Variants in OR4Q3 observed in about 807,000 individuals in gnomAD.
OR4Q3 encodes olfactory receptor 4Q3.
In OR4Q3, 17 loss-of-function variants were observed where a neutral mutation model predicts 18.8. The ratio of observed to expected loss-of-function variants is 0.91; its 90% CI spans 0.62 to 1.36. OR4Q3 has a LOEUF of 1.36. Ranked by LOEUF, OR4Q3 falls within the 40% of genes most tolerant of loss-of-function variation. OR4Q3 has a pLI of 0.00. For synonymous variants in OR4Q3, 158 were observed against 145.8 expected (o/e 1.08, Z -0.60); for missense variants, 378 against 373.4 (o/e 1.01, Z -0.10).
downstream of OR4Q3, among the ~76,000 whole-genome samples, chr14:19,749,774 TTTTCTTTCTCTTTC>T: frequency 9.9e-5 from 13 of 131,436 alleles, no homozygotes; most frequent in Admixed American, 9.3e-4. Flanking sequence ...CTTTTTCTCT[TTTTCTTTCTCTTTC>T]TTTCTTTCTC....
chr14:19,751,117 AT>A, downstream of OR4Q3, among the ~76,000 whole-genome samples: 1 of 152,226 alleles, frequency 6.6e-6, no homozygotes, highest in Non-Finnish European at 1.5e-5. Flanking sequence ...TTGGCAAATC[AT>A]TTTAAATGTC....
chr14:19,749,852 TTC>T, downstream of OR4Q3, among the ~76,000 whole-genome samples: 3 of 1,724 alleles, frequency 1.7e-3, no homozygotes, highest in Admixed American at 7.2e-3. Flanking sequence ...GATTACTTCT[TTC>T]TTTCTTTCTT....
At chr14:19,749,866 CTTTCTTTCTTTCTTT>C, downstream of OR4Q3, among the ~76,000 whole-genome samples, 104 of 49,054 alleles carry the variant, frequency 2.1e-3, no homozygotes, top group Middle Eastern at 7.7e-3. Flanking sequence ...TTCTTTCTTT[CTTTCTTTCTTTCTTT>C]CTTTCTTTCT....
exon 2 of OR4Q3, chr14:19,747,722 C>T: frequency 1.1e-5 from 18 of 1,613,782 alleles, no homozygotes; most frequent in Non-Finnish European, 1.4e-5. Context: ...TTCAGGATGC[C>T]TGGCCCAGAT....
At chr14:19,751,654 C>T, downstream of OR4Q3, among the ~76,000 whole-genome samples, 1 of 152,062 alleles carries the variant, frequency 6.6e-6, no homozygotes, top group African/African-American at 2.4e-5. Context: ...TCAGTTTCTT[C>T]CAGATTTTCT....
chr14:19,748,360 GC>G lies in OR4Q3; in HGVS notation c.959del (p.Pro320LeufsTer5). 6.2e-7 allele frequency: 1 copy of G among 1,601,614 alleles called. No individual in the cohort carries two copies. Among genetic ancestry groups the G allele is most frequent in the Non-Finnish European group, 8.5e-7 (1 of 1,172,214 alleles). Reference sequence around the variant, plus strand: ...GGATAAAACCATGTGGCATTCCATTGCCTTGTTAAGGAATGAGCAGAAGAGG... The same window carrying G: ...GGATAAAACCATGTGGCATTCCATTGCTTGTTAAGGAATGAGCAGAAGAGG... On this transcript the variant is annotated frameshift_variant, in exon 2 of 2. Coordinates refer to ENST00000642117, the Ensembl canonical transcript of OR4Q3. LOFTEE classifies it high-confidence loss of function.
chr14:19,749,543 G>C, downstream of OR4Q3: 1 of 131,730 alleles, frequency 7.6e-6, no homozygotes, highest in East Asian at 2.6e-4. Flanking sequence ...AGGTTGCAGT[G>C]AGCTGACATC....
At chr14:19,748,203 A>G in exon 2 of OR4Q3, 3 of 1,614,056 alleles carry the variant, frequency 1.9e-6, no homozygotes, top group African/African-American at 2.7e-5. Flanking sequence ...GTATTCATCT[A>G]TTTGAGGCCT....
chr14:19,745,665 A>G, intron 1 of OR4Q3, among the ~76,000 whole-genome samples: 1 of 152,196 alleles, frequency 6.6e-6, no homozygotes, highest in African/African-American at 2.4e-5. Flanking sequence ...CCTGTTAATT[A>G]TACATTTTAG....
rs1436052985 is a variant in OR4Q3 at position 19,743,672 on chromosome 14, G to A, written c.2+1G>A. The A allele has an allele frequency of 1.3e-5, 2 of 152,278 alleles. No homozygotes were observed. The highest frequency in any genetic ancestry group is 2.4e-5 in the African/African-American group (1 of 41,456). 9.4% of individuals were successfully genotyped at this position (152,278 alleles called of 1,614,324 possible). On this transcript the variant is annotated splice_donor_variant, in intron 1 of 1. Transcript: ENST00000642117. LOFTEE classifies it high-confidence loss of function. ...CACATAGCTTCTGACAAGCAAAGAT[G>A]TAGGTTTCTCAGATATGTTTATTCA...
chr14:19,752,099 G>A, downstream of OR4Q3, among the ~76,000 whole-genome samples: 1 of 152,178 alleles, frequency 6.6e-6, no homozygotes, highest in Non-Finnish European at 1.5e-5. Context: ...TATTTTTCTT[G>A]ACATTGGCCT....
At chr14:19,749,396 T>C in exon 2 of OR4Q3, 3 of 152,280 alleles carry the variant, frequency 2.0e-5, no homozygotes, top group Non-Finnish European at 4.4e-5. Flanking sequence ...GTCAGGAGTT[T>C]GAGACCAGCT....
exon 2 of OR4Q3, chr14:19,747,573 T>C: frequency 6.2e-7 from 1 of 1,613,856 alleles, no homozygotes; most frequent in Non-Finnish European, 8.5e-7. Context: ...GTGGTAACAG[T>C]GCAAGCCCAT....
downstream of OR4Q3, among the ~76,000 whole-genome samples, chr14:19,752,235 C>A: frequency 6.6e-6 from 1 of 152,212 alleles, no homozygotes; most frequent in East Asian, 1.9e-4. Context: ...AAACAGACAA[C>A]TTACCGAATG....
At chr14:19,745,539 G>A in intron 1 of OR4Q3, among the ~76,000 whole-genome samples, 130 of 152,080 alleles carry the variant, frequency 8.5e-4, no homozygotes, top group African/African-American at 3.1e-3. Flanking sequence ...TTGTTTTCTG[G>A]CTTCTAGAAA....
At chr14:19,749,304 C>A in exon 2 of OR4Q3, 10 of 152,210 alleles carry the variant, frequency 6.6e-5, no homozygotes, top group Non-Finnish European at 1.2e-4. Flanking sequence ...TGCCCATGAC[C>A]ACTTAGAAGA....
chr14:19,749,584 A>G, downstream of OR4Q3: 1 of 147,402 alleles, frequency 6.8e-6, no homozygotes, highest in African/African-American at 2.5e-5. Flanking sequence ...GGGCAACAAA[A>G]GCAAAACTCG....
intron 1 of OR4Q3, among the ~76,000 whole-genome samples, chr14:19,746,475 C>T: frequency 6.6e-6 from 1 of 152,150 alleles, no homozygotes; most frequent in Non-Finnish European, 1.5e-5. Flanking sequence ...TCTGGTTTCT[C>T]TTATTACTCT....
At chr14:19,747,336 C>T in intron 1 of OR4Q3, 70 bp from the exon 2 acceptor site, 1 of 759,196 alleles carries the variant, frequency 1.3e-6, no homozygotes, top group Non-Finnish European at 2.0e-6. Flanking sequence ...ATATTATATA[C>T]TATATGTATA....
Sources: allele counts gnomAD v4.1 joint callset (sites outside exome capture counted in the v4.1 genomes callset), GRCh38; gene constraint gnomAD v4.1.1; transcripts MANE v1.5; gene names NCBI Gene and HGNC (gene_info 2026-07-23, HGNC 2026-07-21).